The following TMEM132D variants were observed in gnomAD, a reference collection of about 807,000 sequenced individuals.
TMEM132D encodes the protein transmembrane protein 132D.
Under a neutral mutation model 62.3 loss-of-function variants are expected in TMEM132D, and 21 were observed. That is an observed-to-expected ratio of 0.34 (90% CI 0.24 to 0.49). The LOEUF (loss-of-function observed/expected upper bound fraction) is 0.49. Among genes scored for constraint, TMEM132D ranks in the 20% least tolerant of loss-of-function variants. The pLI is 0.99. For missense variants in TMEM132D, 1,346 were observed against 1,402.8 expected (o/e 0.96, Z 0.65); for synonymous variants, 621 against 575.6 (o/e 1.08, Z -1.13).
At chr12:129,829,447 T>C (rs555176941) in intron 1 of TMEM132D, among the ~76,000 whole-genome samples, 22 of 152,222 alleles carry the variant, frequency 1.4e-4, no homozygotes, top group Middle Eastern at 3.4e-3. Context: ...TTTATGGGAT[T>C]GGCAAGGTGG....
chr12:129,823,531 G>C (rs1177923743), intron 1 of TMEM132D, among the ~76,000 whole-genome samples: 1 of 152,268 alleles, frequency 6.6e-6, no homozygotes, highest in African/African-American at 2.4e-5. Context: ...TTTGTAAGGA[G>C]AGCGGGCTCA....
chr12:129,747,980 A>G (rs776581670), intron 1 of TMEM132D, among the ~76,000 whole-genome samples: 2 of 152,172 alleles, frequency 1.3e-5, no homozygotes, highest in Non-Finnish European at 1.5e-5. Flanking sequence ...TTATTTGGGC[A>G]CTGTCTGTTC....
chr12:129,582,623 CTTT>C (rs11446843), intron 2 of TMEM132D, among the ~76,000 whole-genome samples: 12 of 146,204 alleles, frequency 8.2e-5, no homozygotes, highest in Non-Finnish European at 9.0e-5. Context: ...TTCTTTCTTT[CTTT>C]TTTTTTTTTT....
intron 2 of TMEM132D, among the ~76,000 whole-genome samples, chr12:129,599,500 T>G (rs968664256): frequency 1.3e-5 from 2 of 152,234 alleles, no homozygotes; most frequent in African/African-American, 4.8e-5. Flanking sequence ...CGTCAGAATT[T>G]ATAATTGCTT....
At chr12:129,127,418 G>A (rs1876246577) in intron 5 of TMEM132D, among the ~76,000 whole-genome samples, 1 of 152,158 alleles carries the variant, frequency 6.6e-6, no homozygotes, top group Non-Finnish European at 1.5e-5. Context: ...GATGTGAGTA[G>A]GCTTGGCAAC....
intron 2 of TMEM132D, among the ~76,000 whole-genome samples, chr12:129,618,982 G>A (rs915923994): frequency 6.6e-6 from 1 of 152,226 alleles, no homozygotes; most frequent in African/African-American, 2.4e-5. Flanking sequence ...GGTTGAAAGA[G>A]TTGTTATCAG....
intron 2 of TMEM132D, among the ~76,000 whole-genome samples, chr12:129,617,734 C>G (rs553105608): frequency 1.3e-5 from 2 of 152,114 alleles, no homozygotes; most frequent in Non-Finnish European, 2.9e-5. Context: ...ACTGCATCCT[C>G]TCCTGGTGGA....
intron 4 of TMEM132D, among the ~76,000 whole-genome samples, chr12:129,266,150 C>T (rs1880688813): frequency 1.3e-5 from 2 of 152,228 alleles, no homozygotes; most frequent in East Asian, 3.9e-4. Flanking sequence ...CATTTCAGTA[C>T]TCGTATCTTT....
chr12:129,257,474 G>T (rs1270761905), intron 4 of TMEM132D, among the ~76,000 whole-genome samples: 1 of 152,182 alleles, frequency 6.6e-6, no homozygotes, highest in African/African-American at 2.4e-5. Context: ...CTCCCAAAGT[G>T]CTGGGATTAC....
chr12:129,319,832 G>A (rs947508051), intron 4 of TMEM132D, among the ~76,000 whole-genome samples: 8 of 152,154 alleles, frequency 5.3e-5, no homozygotes, highest in Non-Finnish European at 1.2e-4. Flanking sequence ...GATGGCATGC[G>A]AATCTCAGTT....
chr12:129,762,647 T>C (rs1386152112), intron 1 of TMEM132D, among the ~76,000 whole-genome samples: 2 of 152,116 alleles, frequency 1.3e-5, no homozygotes, highest in African/African-American at 4.8e-5. Flanking sequence ...TTGGGCTTTC[T>C]GTCACGCATA....
At chr12:129,347,489 G>A (rs1438552558) in intron 3 of TMEM132D, among the ~76,000 whole-genome samples, 1 of 152,172 alleles carries the variant, frequency 6.6e-6, no homozygotes, top group East Asian at 1.9e-4. Context: ...ATGGTGCTGG[G>A]AAAACTGGCT....
chr12:129,771,345 G>A (rs571200477), intron 1 of TMEM132D, among the ~76,000 whole-genome samples: 134 of 152,142 alleles, frequency 8.8e-4, no homozygotes, highest in Non-Finnish European at 1.1e-3. Flanking sequence ...GATAATAACA[G>A]TCCCTGCCTC....
chr12:129,468,772 G>A (rs1413883767), intron 3 of TMEM132D, among the ~76,000 whole-genome samples: 3 of 152,136 alleles, frequency 2.0e-5, no homozygotes, highest in Non-Finnish European at 4.4e-5. Context: ...TCTTCCCTCT[G>A]ACAGCCATAT....
chr12:129,672,903 A>T (rs1880533939), intron 2 of TMEM132D, among the ~76,000 whole-genome samples: 1 of 152,032 alleles, frequency 6.6e-6, no homozygotes, highest in African/African-American at 2.4e-5. Flanking sequence ...GTGCACCACC[A>T]CGCCCAGCTA....
intron 1 of TMEM132D, among the ~76,000 whole-genome samples, chr12:129,759,827 G>T (rs913410494): frequency 5.9e-5 from 9 of 151,978 alleles, no homozygotes; most frequent in African/African-American, 2.2e-4. Context: ...AGCAGTGGGA[G>T]AATACAAGAT....
rs1056741848 is a variant in TMEM132D at position 129,779,041 on chromosome 12, T to C, written c.80-78343A>G. Among the ~76,000 whole-genome samples, 9 of 152,182 alleles carry C rather than the reference T, an allele frequency of 5.9e-5. No homozygotes were observed. Among genetic ancestry groups the C allele is most frequent in the Admixed American group, 6.5e-5 (1 of 15,274 alleles). On this transcript the variant is annotated intron_variant, in intron 1 of 8. Coordinates refer to ENST00000422113, the MANE Select transcript of TMEM132D (RefSeq NM_133448.3). The surrounding 1 kb of genome is among the most constrained non-coding windows in gnomAD (Gnocchi z 4.1). ...CTCCTGGGCTAGAATTGTGCCTCCA[T>C]GGCTGAGAGGGAGCCTGACCCCTTG...
At chr12:129,223,309 C>T (rs4411335) in intron 4 of TMEM132D, among the ~76,000 whole-genome samples, 47,912 of 151,762 alleles carry the variant, frequency 0.32, 7,937 homozygotes, top group Middle Eastern at 0.42. Context: ...CAAGACAGCT[C>T]CAACCTTGTT....
chr12:129,732,840 G>A (rs1869294296), intron 1 of TMEM132D, among the ~76,000 whole-genome samples: 1 of 152,210 alleles, frequency 6.6e-6, no homozygotes, highest in Admixed American at 6.5e-5. Context: ...GGGAGGGGAT[G>A]GGGGCTGGGC....
Sources: allele counts gnomAD v4.1 joint callset (sites outside exome capture counted in the v4.1 genomes callset), GRCh38; gene constraint gnomAD v4.1.1; non-coding constraint Gnocchi (gnomAD v3.1); transcripts MANE v1.5; gene names NCBI Gene and HGNC (gene_info 2026-07-23, HGNC 2026-07-21).